ATP11A: variants seen among roughly 807,000 people sequenced by gnomAD.
ATP11A encodes the protein ATPase phospholipid transporting 11A.
A neutral mutation model predicts 154.4 loss-of-function variants in ATP11A; 81 were observed. The ratio of observed to expected loss-of-function variants is 0.52; its 90% CI spans 0.44 to 0.63. The LOEUF (loss-of-function observed/expected upper bound fraction) is 0.63. ATP11A is among the 30% of genes least tolerant of loss of function. The pLI is 0.00. For synonymous variants in ATP11A, 623 were observed against 585.9 expected (o/e 1.06, Z -0.91); for missense variants, 1,316 against 1,474.3 (o/e 0.89, Z 1.76).
chr13:112,839,811 G>A (rs540932794), intron 16 of ATP11A, among the ~76,000 whole-genome samples: 2 of 152,276 alleles, frequency 1.3e-5, no homozygotes, highest in East Asian at 3.9e-4. Flanking sequence ...CATGCTCTTG[G>A]CATGAGTTGT....
chr13:112,735,017 C>A (rs757149724), intron 1 of ATP11A, among the ~76,000 whole-genome samples: 1 of 152,112 alleles, frequency 6.6e-6, no homozygotes, highest in African/African-American at 2.4e-5. Flanking sequence ...TTAAACACAA[C>A]ATAAAAGAGG....
At chr13:112,878,996 C>T (rs1170052982) in intron 29 of ATP11A, among the ~76,000 whole-genome samples, 1 of 152,138 alleles carries the variant, frequency 6.6e-6, no homozygotes, top group East Asian at 1.9e-4. Flanking sequence ...CGACCTTGGC[C>T]TTTCTGGGCA....
chr13:112,803,480 G>A (rs1234652490), intron 2 of ATP11A, among the ~76,000 whole-genome samples: 1 of 152,202 alleles, frequency 6.6e-6, no homozygotes, highest in African/African-American at 2.4e-5. Flanking sequence ...CAGGCTGTGA[G>A]ACCTTCTTCA....
chr13:112,843,162 G>A (rs770126397), intron 17 of ATP11A, among the ~76,000 whole-genome samples: 4 of 151,708 alleles, frequency 2.6e-5, no homozygotes, highest in African/African-American at 7.3e-5. Flanking sequence ...TCCTAACGCC[G>A]AGTGACGCAC....
chr13:112,862,195 G>C (rs533411243), intron 24 of ATP11A, among the ~76,000 whole-genome samples: 1 of 152,246 alleles, frequency 6.6e-6, no homozygotes, highest in African/African-American at 2.4e-5. Context: ...TGCCTATGAC[G>C]ATATTGCAGT....
At chr13:112,776,538 G>A (rs369244334) in intron 1 of ATP11A, among the ~76,000 whole-genome samples, 7 of 152,190 alleles carry the variant, frequency 4.6e-5, no homozygotes, top group South Asian at 2.1e-4. Context: ...CCTGCCTGGC[G>A]ATGGTTCTGG....
intron 2 of ATP11A, among the ~76,000 whole-genome samples, chr13:112,802,360 A>G (rs968072725): frequency 1.3e-5 from 2 of 152,118 alleles, no homozygotes; most frequent in Non-Finnish European, 2.9e-5. Context: ...AAAAAAAAGA[A>G]AAGAATAGAC....
In ATP11A at chr13:112,819,906, G is replaced by A; in HGVS notation, c.681G>A (p.Val227=). The A allele has an allele frequency of 6.2e-7, 1 of 1,614,048 alleles. No homozygotes were observed. Among genetic ancestry groups the A allele is most frequent in the Non-Finnish European group, 8.5e-7 (1 of 1,179,972 alleles). ...GTGGCTTTTCTGTCGCCAGGTTCGT[G>A]GGTCGCATCAACGTTTACAGTGACC... ...EQPQPDLYKF[V]GRINVYSDLN... is the part of the protein sequence containing the mutation. Residue 227 remains valine (V), a synonymous_variant, in exon 8 of 30, where the codon GTG becomes GTA. Transcript: ENST00000375645.
chr13:112,762,521 C>T (rs1159801074), intron 1 of ATP11A, among the ~76,000 whole-genome samples: 1 of 151,976 alleles, frequency 6.6e-6, no homozygotes. Flanking sequence ...CGGAGGAGAC[C>T]ACGATAAACT....
chr13:112,797,127 A>T (rs4907767), intron 2 of ATP11A, among the ~76,000 whole-genome samples: 19,196 of 151,592 alleles, frequency 0.13, 2,108 homozygotes, highest in African/African-American at 0.29. Flanking sequence ...AATTTTTTTT[A>T]AAAAAATTAG....
chr13:112,881,469 C>T (rs2080882412), intron 29 of ATP11A: 2 of 1,095,644 alleles, frequency 1.8e-6, no homozygotes, highest in Non-Finnish European at 2.2e-6. Flanking sequence ...GCTCACTGCA[C>T]AGGAAGCCAG....
Position 112,732,097 on chromosome 13 carries a change from G to A in ATP11A, c.39+41642G>A, listed in dbSNP as rs1441656262. ...GCTCCGGCATGAGTTCGGTCCTGTC[G>A]GGAAGTTGGTTGGGAGTTTTAGGGA... On this transcript the variant is annotated intron_variant, in intron 1 of 29. Coordinates refer to ENST00000375645, the MANE Select transcript of ATP11A (RefSeq NM_015205.3). Among the ~76,000 whole-genome samples the A allele has an allele frequency of 5.3e-5, 8 of 152,204 alleles. No homozygotes were observed. The South Asian group carries it at 1.5e-3, about 28-fold the overall frequency.
intron 22 of ATP11A, chr13:112,858,583 A>G: frequency 3.6e-6 from 1 of 276,332 alleles, no homozygotes; most frequent in Non-Finnish European, 6.9e-6. Flanking sequence ...CAGCGTGATG[A>G]AGTCTCACGC....
At chr13:112,713,403 A>G (rs936085274) in intron 1 of ATP11A, among the ~76,000 whole-genome samples, 2 of 152,242 alleles carry the variant, frequency 1.3e-5, no homozygotes, top group African/African-American at 4.8e-5. Context: ...TCTAAAAAAA[A>G]TAAATAAAAA....
chr13:112,807,623 A>G lies in ATP11A; in HGVS notation c.333+1330A>G, dbSNP rs527363670. The stretch of plus-strand genomic sequence containing the variant: ...GCAAACTTCAACTTTAAGCAAAACG[A>G]TGGGTTTTCTCATCAACTTCACAAG... On this transcript the variant is annotated intron_variant, in intron 4 of 29. Transcript: ENST00000375645. The surrounding 1 kb of genome is among the most constrained non-coding windows in gnomAD (Gnocchi z 4.5). Among the ~76,000 whole-genome samples the G allele has an allele frequency of 1.1e-3, 175 of 152,252 alleles. No homozygotes were observed. Among genetic ancestry groups the G allele is most frequent in the African/African-American group, 4.0e-3 (167 of 41,544 alleles).
At chr13:112,880,961 C>T (rs1043292351) in intron 29 of ATP11A, 1 of 992,288 alleles carries the variant, frequency 1.0e-6, no homozygotes, top group Non-Finnish European at 1.2e-6. Flanking sequence ...CACAGCTTCA[C>T]TTAAAAGGCC....
chr13:112,874,325 C>A (rs534266705), intron 27 of ATP11A, among the ~76,000 whole-genome samples: 1 of 152,200 alleles, frequency 6.6e-6, no homozygotes, highest in Admixed American at 6.5e-5. Flanking sequence ...CCTGGACCGC[C>A]GGCCGTGAGG....
At position 112,859,787 on chromosome 13, in the gene ATP11A, G is replaced by T. The variant is rs564903611; in HGVS notation, c.2727+335G>T. Reference sequence around the variant, plus strand: ...CTGCAAGAATTAACTCCAACTCGAGGTCCTTGTGGACATGGGCCACCCCGG... The same window carrying T: ...CTGCAAGAATTAACTCCAACTCGAGTTCCTTGTGGACATGGGCCACCCCGG... On this transcript the variant is annotated intron_variant, in intron 23 of 29. Transcript: ENST00000375645. This position sits in a 1 kb window ranked among gnomAD's most constrained non-coding sequence, Gnocchi z 4.3. Among the ~76,000 whole-genome samples the T allele has an allele frequency of 4.3e-4, 66 of 152,340 alleles. 1 individual carries two copies. Among genetic ancestry groups the T allele is most frequent in the African/African-American group, 1.5e-3 (64 of 41,578 alleles).
intron 25 of ATP11A, among the ~76,000 whole-genome samples, chr13:112,863,945 CCTGCGCAGTA>C (rs1480421599): frequency 1.1e-5 from 1 of 92,422 alleles, no homozygotes; most frequent in Non-Finnish European, 2.3e-5. Flanking sequence ...TCCATCACCA[CCTGCGCAGTA>C]ATTCAGTGCG....
Sources: allele counts gnomAD v4.1 joint callset (sites outside exome capture counted in the v4.1 genomes callset), GRCh38; gene constraint gnomAD v4.1.1; non-coding constraint Gnocchi (gnomAD v3.1); transcripts MANE v1.5; gene names NCBI Gene and HGNC (gene_info 2026-07-23, HGNC 2026-07-21).